Variants in DLG2 observed in about 807,000 individuals in gnomAD.
The protein encoded by DLG2 is disks large homolog 2.
In DLG2, 45 loss-of-function variants were observed where a neutral mutation model predicts 132.5. The observed-to-expected ratio is 0.34, with a 90% CI of 0.27 to 0.44. The LOEUF is 0.44. Among genes scored for constraint, DLG2 ranks in the 20% least tolerant of loss-of-function variants. The pLI, the probability that DLG2 is intolerant of heterozygous loss-of-function variation, is 1.00. For missense variants in DLG2, 1,045 were observed against 1,196.9 expected, an observed-to-expected ratio of 0.87 and a Z score of 1.87; for synonymous variants, 424 against 419.6, an observed-to-expected ratio of 1.01 and a Z score of -0.13.
At chr11:85,501,050 G>A (rs1472386385) in intron 3 of DLG2, among the ~76,000 whole-genome samples, 1 of 152,134 alleles carries the variant, frequency 6.6e-6, no homozygotes, top group Non-Finnish European at 1.5e-5. Flanking sequence ...AAAACAGCAT[G>A]GTACTGGTAC....
chr11:83,718,276 C>T (rs1339337756), intron 18 of DLG2, among the ~76,000 whole-genome samples: 1 of 152,040 alleles, frequency 6.6e-6, no homozygotes, highest in African/African-American at 2.4e-5. Flanking sequence ...ATGGCTCATG[C>T]CTGTAATCCC....
In DLG2 at chr11:85,168,015, G is replaced by A. The variant is rs1262149679; in HGVS notation, c.187-13364C>T. On this transcript the variant is annotated intron_variant, in intron 4 of 27. Transcript: ENST00000376104. ...GGCCTCAGGATTCCTTGAAAAAACTGGGCACAGACAAATAAAACTAGGCAC... is the reference window on the plus strand; with the variant it reads ...GGCCTCAGGATTCCTTGAAAAAACTAGGCACAGACAAATAAAACTAGGCAC... Among the ~76,000 whole-genome samples, 3 of 152,144 alleles carry A rather than the reference G, an allele frequency of 2.0e-5. No individual in the cohort carries two copies. The South Asian group carries it at 6.2e-4, about 32-fold the overall frequency.
intron 19 of DLG2, among the ~76,000 whole-genome samples, chr11:83,595,169 A>T (rs186626270): frequency 4.6e-5 from 7 of 152,312 alleles, no homozygotes; most frequent in South Asian, 2.1e-4. Flanking sequence ...TTGTTTCTCA[A>T]ATGTAAATAA....
intron 7 of DLG2, among the ~76,000 whole-genome samples, chr11:84,436,908 A>T (rs1337804422): frequency 3.3e-5 from 5 of 152,200 alleles, no homozygotes; most frequent in Admixed American, 2.6e-4. Context: ...AGTCTGGTCA[A>T]CGTTACTGAG....
chr11:83,968,715 A>G (rs1174291220), intron 12 of DLG2, among the ~76,000 whole-genome samples: 1 of 152,186 alleles, frequency 6.6e-6, no homozygotes, highest in Non-Finnish European at 1.5e-5. Flanking sequence ...GCCCCAAGTC[A>G]TTGATCTGGT....
intron 6 of DLG2, among the ~76,000 whole-genome samples, chr11:84,828,001 TATACATGCCTTAA>T (rs2078557390): frequency 6.6e-6 from 1 of 151,862 alleles, no homozygotes; most frequent in African/African-American, 2.4e-5. Flanking sequence ...TATGCTCTTA[TATACATGCCTTAA>T]ATACGTCAGA....
intron 4 of DLG2, among the ~76,000 whole-genome samples, chr11:85,228,851 A>C (rs1565187687): frequency 6.6e-6 from 1 of 151,578 alleles, no homozygotes; most frequent in African/African-American, 2.4e-5. Context: ...AGTTGGATTT[A>C]AGAATACCAT....
intron 11 of DLG2, among the ~76,000 whole-genome samples, chr11:84,053,105 TC>T (rs1374555289): frequency 6.6e-6 from 1 of 152,072 alleles, no homozygotes; most frequent in Non-Finnish European, 1.5e-5. Context: ...GGAGATCATG[TC>T]CTTTGCAGAG....
intron 20 of DLG2, among the ~76,000 whole-genome samples, 195 bp downstream of exon 20, chr11:83,541,487 T>C (rs1043995470): frequency 6.6e-6 from 1 of 152,210 alleles, no homozygotes; most frequent in Non-Finnish European, 1.5e-5. Flanking sequence ...TCACCAATTT[T>C]GGTAAAACCC....
intron 15 of DLG2, among the ~76,000 whole-genome samples, chr11:83,883,659 T>C (rs756262908): frequency 2.6e-5 from 4 of 152,230 alleles, no homozygotes; most frequent in Non-Finnish European, 5.9e-5. Context: ...GAGCAAAATA[T>C]AGTGTTTTAA....
intron 6 of DLG2, among the ~76,000 whole-genome samples, chr11:84,669,277 C>A (rs1410135286): frequency 6.6e-6 from 1 of 151,978 alleles, no homozygotes; most frequent in African/African-American, 2.4e-5. Flanking sequence ...GGCAAGGAAG[C>A]TGAAACAAGG....
intron 3 of DLG2, among the ~76,000 whole-genome samples, chr11:85,413,680 T>C (rs1266321565): frequency 6.6e-6 from 1 of 152,044 alleles, no homozygotes; most frequent in African/African-American, 2.4e-5. Context: ...ACACTTTATG[T>C]TTTGGTTTGC....
chr11:84,127,177 G>A (rs1011862488), intron 9 of DLG2, among the ~76,000 whole-genome samples: 9 of 152,156 alleles, frequency 5.9e-5, no homozygotes, highest in Non-Finnish European at 1.3e-4. Flanking sequence ...ACGTTAGAAG[G>A]TAAGTCTGCA....
chr11:84,476,788 C>T (rs765401761), intron 7 of DLG2, among the ~76,000 whole-genome samples: 2 of 152,098 alleles, frequency 1.3e-5, no homozygotes, highest in African/African-American at 2.4e-5. Context: ...GAGCCAGCAC[C>T]AACTGCCAAA....
chr11:83,981,473 G>A (rs2514143), intron 11 of DLG2, among the ~76,000 whole-genome samples: 24,577 of 151,816 alleles, frequency 0.16, 2,616 homozygotes, highest in East Asian at 0.31. Context: ...AGATAGTCTC[G>A]CTCTGTCGCC....
intron 19 of DLG2, among the ~76,000 whole-genome samples, chr11:83,550,772 G>A (rs2096371143): frequency 6.6e-6 from 1 of 152,160 alleles, no homozygotes; most frequent in Non-Finnish European, 1.5e-5. Flanking sequence ...CTGTGTATAA[G>A]GCAATTGAGA....
chr11:83,771,941 C>T (rs2094410094), intron 18 of DLG2, among the ~76,000 whole-genome samples: 1 of 152,034 alleles, frequency 6.6e-6, no homozygotes, highest in African/African-American at 2.4e-5. Context: ...TGGTTTTAAC[C>T]TTGATTTCAT....
chr11:84,526,544 A>G (rs376731216), intron 7 of DLG2, among the ~76,000 whole-genome samples: 1 of 152,168 alleles, frequency 6.6e-6, no homozygotes, highest in East Asian at 1.9e-4. Context: ...ATGACCTGAA[A>G]ACAGGTGAGT....
intron 7 of DLG2, among the ~76,000 whole-genome samples, chr11:84,404,602 T>C (rs920895812): frequency 1.3e-5 from 2 of 152,190 alleles, no homozygotes; most frequent in African/African-American, 4.8e-5. Flanking sequence ...AAGTAGAATA[T>C]ATACTAGATA....
Sources: gnomAD v4.1 joint callset for allele counts (sites outside exome capture counted in the v4.1 genomes callset) on GRCh38, gnomAD v4.1.1 for gene constraint, MANE v1.5 for transcripts, NCBI Gene and HGNC (gene_info 2026-07-23, HGNC 2026-07-21) for gene names.